Variants in SLC9A9 observed in about 807,000 individuals in gnomAD.
SLC9A9 encodes the protein sodium/hydrogen exchanger 9.
SLC9A9 carries 62 observed loss-of-function variants against 77.8 expected under a neutral mutation model. That is an observed-to-expected ratio of 0.80 (90% CI 0.65 to 0.98). The LOEUF (loss-of-function observed/expected upper bound fraction) is 0.98, where lower values mean the gene tolerates loss of function less well. SLC9A9 is among the 50% of genes least tolerant of loss of function. SLC9A9 has a pLI of 0.00. For missense variants in SLC9A9, 775 were observed against 774.9 expected (o/e 1.00, Z 0.00); for synonymous variants, 320 against 283.5 (o/e 1.13, Z -1.29).
intron 14 of SLC9A9, among the ~76,000 whole-genome samples, chr3:143,351,093 C>A (rs953531079): frequency 5.9e-5 from 9 of 152,160 alleles, no homozygotes; most frequent in African/African-American, 2.2e-4. Flanking sequence ...GGTTTTAAAA[C>A]CTTTTTGATT....
chr3:143,432,692 A>G (rs1474236454), intron 12 of SLC9A9, among the ~76,000 whole-genome samples: 1 of 152,062 alleles, frequency 6.6e-6, no homozygotes, highest in African/African-American at 2.4e-5. Context: ...CAGTGGCGTG[A>G]TCTTGGCTCA....
intron 14 of SLC9A9, among the ~76,000 whole-genome samples, chr3:143,297,360 A>G (rs1480580855): frequency 6.6e-6 from 1 of 152,194 alleles, no homozygotes; most frequent in Non-Finnish European, 1.5e-5. Context: ...ATATAGGCCA[A>G]CGGAGCAGAA....
intron 14 of SLC9A9, among the ~76,000 whole-genome samples, chr3:143,300,128 G>A (rs1017694945): frequency 5.3e-5 from 8 of 152,162 alleles, no homozygotes; most frequent in Non-Finnish European, 1.2e-4. Context: ...GTGGTTAAAA[G>A]CGTGTGCTTT....
intron 12 of SLC9A9, among the ~76,000 whole-genome samples, chr3:143,457,743 T>A (rs2035119612): frequency 6.6e-6 from 1 of 152,322 alleles, no homozygotes; most frequent in African/African-American, 2.4e-5. Flanking sequence ...TTTTCAATTA[T>A]TTGGAGATTT....
intron 6 of SLC9A9, among the ~76,000 whole-genome samples, chr3:143,580,747 A>T (rs1039553226): frequency 6.6e-6 from 1 of 152,170 alleles, no homozygotes; most frequent in Non-Finnish European, 1.5e-5. Context: ...GGGTATGATC[A>T]CTTTGTTCGC....
At chr3:143,522,996 C>A (rs546349171) in intron 9 of SLC9A9, among the ~76,000 whole-genome samples, 2 of 152,214 alleles carry the variant, frequency 1.3e-5, no homozygotes, top group South Asian at 4.1e-4. Flanking sequence ...TTCGTGATTT[C>A]ATTTGGGTCC....
At chr3:143,777,792 G>A (rs2007740998) in intron 4 of SLC9A9, among the ~76,000 whole-genome samples, 1 of 147,734 alleles carries the variant, frequency 6.8e-6, no homozygotes, top group Non-Finnish European at 1.5e-5. Flanking sequence ...TCTGCTCACT[G>A]CAACCTCAGC....
chr3:143,749,541 T>A (rs1377803333), intron 4 of SLC9A9, among the ~76,000 whole-genome samples: 2 of 152,258 alleles, frequency 1.3e-5, no homozygotes, highest in African/African-American at 4.8e-5. Flanking sequence ...GCTGAATGCT[T>A]TTTAAATACA....
At chr3:143,543,779 T>TTTTTTTTTTTTTTTTTTTTTTTTTTGAGA (rs1188396721) in intron 9 of SLC9A9, among the ~76,000 whole-genome samples, 2 of 152,130 alleles carry the variant, frequency 1.3e-5, no homozygotes, top group African/African-American at 4.8e-5. Flanking sequence ...ATTTTCTTTA[T>TTTTTTTTTTTTTTTTTTTTTTTTTTGAGA]CCAGTCCACT....
chr3:143,537,455 G>T (rs994459493), intron 9 of SLC9A9, among the ~76,000 whole-genome samples: 4 of 152,144 alleles, frequency 2.6e-5, no homozygotes, highest in Admixed American at 6.5e-5. Context: ...CCCCACTGCT[G>T]CCCACTCTGC....
chr3:143,652,825 A>G (rs896608082), intron 5 of SLC9A9, among the ~76,000 whole-genome samples: 30 of 133,208 alleles, frequency 2.3e-4, no homozygotes, highest in Non-Finnish European at 4.0e-4. Context: ...CTTGCTACCA[A>G]GGACTCATTT....
intron 4 of SLC9A9, among the ~76,000 whole-genome samples, chr3:143,736,104 C>T (rs772596829): frequency 6.6e-6 from 1 of 152,114 alleles, no homozygotes; most frequent in East Asian, 1.9e-4. Context: ...TGGAACCTCC[C>T]ATTTGGCTCA....
intron 12 of SLC9A9, 54 bp from the exon 13 acceptor site, chr3:143,382,168 A>T: frequency 1.3e-6 from 2 of 1,591,920 alleles, no homozygotes; most frequent in Non-Finnish European, 1.7e-6. Flanking sequence ...GGAATGAGAC[A>T]GTCTTGTGTG....
chr3:143,605,471 C>T (rs1254718078), intron 6 of SLC9A9, among the ~76,000 whole-genome samples: 3 of 152,216 alleles, frequency 2.0e-5, no homozygotes, highest in Non-Finnish European at 4.4e-5. Context: ...AGTGTTGGAA[C>T]ATGAACTTTC....
chr3:143,673,292 T>C (rs1326842744), intron 5 of SLC9A9, among the ~76,000 whole-genome samples: 3 of 152,080 alleles, frequency 2.0e-5, no homozygotes, highest in Non-Finnish European at 2.9e-5. Flanking sequence ...ACCCCACCCA[T>C]AGGAGCCCTG....
rs1160164662 is a variant in SLC9A9 at position 143,565,201 on chromosome 3, G to A, written c.1000+8887C>T. On this transcript the variant is annotated intron_variant, in intron 8 of 15. Transcript: ENST00000316549. ...ACTGATTATTGTGTCTCCTTTTGGC[G>A]CATGTATTCACTCACTTGTATTCTC... 5.9e-5 allele frequency among the ~76,000 whole-genome samples: 9 copies of A among 152,074 alleles called. No individual in the cohort carries two copies. The East Asian group carries it at 7.7e-4, about 13-fold the overall frequency.
chr3:143,359,389 G>GA (rs1357532121), intron 14 of SLC9A9, among the ~76,000 whole-genome samples: 1 of 152,020 alleles, frequency 6.6e-6, no homozygotes, highest in Non-Finnish European at 1.5e-5. Flanking sequence ...GCGTTATGGT[G>GA]AAAAAAATAA....
At chr3:143,534,284 AC>A (rs1217972725) in intron 9 of SLC9A9, among the ~76,000 whole-genome samples, 1 of 152,256 alleles carries the variant, frequency 6.6e-6, no homozygotes, top group Non-Finnish European at 1.5e-5. Context: ...TGTAACTTCT[AC>A]CCAGCAAAGC....
rs1418285945 is a variant in SLC9A9 at position 143,265,894 on chromosome 3, G to A, written c.*808C>T. 1 of 608,210 alleles carries A rather than the reference G, an allele frequency of 1.6e-6. No individual in the cohort carries two copies. The highest frequency in any genetic ancestry group is 1.9e-5 in the African/African-American group (1 of 54,026). 37.7% of individuals were successfully genotyped at this position (608,210 alleles called of 1,614,324 possible). A position where few individuals can be genotyped will look rare whatever the true frequency, so the allele number is the denominator to read the frequency against. On this transcript the variant is annotated 3_prime_UTR_variant, in exon 16 of 16. Coordinates refer to ENST00000316549, the MANE Select transcript of SLC9A9 (RefSeq NM_173653.4). ...TACCCTCCAGCATATCGCGGGGAGG[G>A]GGGGACCTGCTGCACAGCCAAGAAG...
Sources: gnomAD v4.1 joint callset for allele counts (sites outside exome capture counted in the v4.1 genomes callset) on GRCh38, gnomAD v4.1.1 for gene constraint, MANE v1.5 for transcripts, NCBI Gene and HGNC (gene_info 2026-07-23, HGNC 2026-07-21) for gene names.